The following SURF1 variants were observed in gnomAD, a reference collection of about 807,000 sequenced individuals.
The protein encoded by SURF1 is SURF1 cytochrome c oxidase assembly factor.
In SURF1, 45 loss-of-function variants were observed where a neutral mutation model predicts 34.1. The observed-to-expected ratio is 1.32, with a 90% CI of 1.04 to 1.69. The LOEUF is 1.69. Ranked by LOEUF, SURF1 falls within the 40% of genes most tolerant of loss-of-function variation. The pLI, the probability that SURF1 is intolerant of heterozygous loss-of-function variation, is 0.00. For missense variants in SURF1, 456 were observed against 384.6 expected (o/e 1.19, Z -1.55); for synonymous variants, 188 against 147.5 (o/e 1.27, Z -1.99).
chr9:133,352,135 T>C lies in SURF1; in HGVS notation c.759A>G (p.Thr253=). Reference sequence around the variant, plus strand: ...GCCCTCCAATGGGTCCTCCAGGGACTGTGCTCTCTGTGGAGACAGCAGACT... The same window carrying C: ...GCCCTCCAATGGGTCCTCCAGGGACCGTGCTCTCTGTGGAGACAGCAGACT... The part of the protein sequence containing the change: ...PIFIDANFQS[T]VPGGPIGGQT... Residue 253 remains threonine (T), a synonymous_variant, in exon 8 of 9, where the codon ACA becomes ACG. Coordinates refer to ENST00000371974, the MANE Select transcript of SURF1 (RefSeq NM_003172.4). 1 of 1,598,382 alleles carries C rather than the reference T, an allele frequency of 6.3e-7. No homozygotes were observed. Among genetic ancestry groups the C allele is most frequent in the East Asian group, 2.2e-5 (1 of 44,482 alleles).
chr9:133,356,366 G>GCCCCGCCCCCCGCA (rs1836585928), intron 1 of SURF1, 34 bp downstream of exon 1: 4 of 1,343,668 alleles, frequency 3.0e-6, no homozygotes, highest in Non-Finnish European at 2.9e-6. Flanking sequence ...CCCTCCCCGC[G>GCCCCGCCCCCCGCA]CCCCGCACCC....
In SURF1 at chr9:133,352,072, G is replaced by GTACTGCAGATGCTC; in HGVS notation, c.808_821dup (p.Tyr274Ter). On this transcript the variant is annotated stop_gained and frameshift_variant, in exon 8 of 9. Transcript: ENST00000371974. LOFTEE classifies it high-confidence loss of function. Reference sequence around the variant, plus strand: ...CGCTGGGGACTCACCAGGTCACGATGTACTGCAGATGCTCGTTCCTCAGAG... The same window carrying GTACTGCAGATGCTC: ...CGCTGGGGACTCACCAGGTCACGATGTACTGCAGATGCTCTACTGCAGATGCTCGTTCCTCAGAG... The GTACTGCAGATGCTC allele has an allele frequency of 6.2e-7, 1 of 1,611,716 alleles. No homozygotes were observed.
intron 4 of SURF1, chr9:133,354,200 C>T (rs1321850345): frequency 5.3e-6 from 3 of 564,806 alleles, no homozygotes; most frequent in African/African-American, 3.8e-5. Flanking sequence ...GCCAAAACCC[C>T]ATCTGCAAGC....
chr9:133,354,867 A>G lies in SURF1; in HGVS notation c.197T>C (p.Leu66Pro), dbSNP rs2130019314. The G allele has an allele frequency of 6.2e-7, 1 of 1,614,070 alleles. No individual in the cohort carries two copies. The highest frequency in any genetic ancestry group is 1.7e-5 in the Admixed American group (1 of 60,036). Residue 66 changes from leucine to proline, a missense_variant, in exon 3 of 9, where the codon CTG becomes CCG. By Grantham distance (98) the Leu-to-Pro change is moderately conservative. Coordinates refer to ENST00000371974, the MANE Select transcript of SURF1 (RefSeq NM_003172.4). ...AEDDSFLQWV[L>P]LLIPVTAFGL... Reference sequence around the variant, plus strand: ...AAAGGCAGTCACAGGGATGAGGAGCAGGACCCACTGAAGAAAGGAGTCATC... The same window carrying G: ...AAAGGCAGTCACAGGGATGAGGAGCGGGACCCACTGAAGAAAGGAGTCATC...
rs2130007051 is a variant in SURF1, at chr9:133,352,461, T to C, written c.736A>G (p.Ile246Val). The change falls in exon 7 of 9, where the codon ATT (isoleucine) becomes GTT (valine). Residue 246 changes from isoleucine (I) to valine (V), a missense_variant. Transcript: ENST00000371974. ...ARITGAEPIF[I>V]DANFQSTVPG... ...CACAACGTACGGAAGTTGGCATCAATGAAGATGGGCTCTGCGCCTGTGATT... is the reference window on the plus strand; with the variant it reads ...CACAACGTACGGAAGTTGGCATCAACGAAGATGGGCTCTGCGCCTGTGATT... The C allele has an allele frequency of 2.5e-5, 40 of 1,614,120 alleles. No individual in the cohort carries two copies. Among genetic ancestry groups the C allele is most frequent in the Admixed American group, 3.3e-5 (2 of 60,004 alleles).
intron 4 of SURF1, chr9:133,354,198 C>T: frequency 1.8e-6 from 1 of 568,702 alleles, no homozygotes; most frequent in Non-Finnish European, 3.1e-6. Flanking sequence ...GGGCCAAAAC[C>T]CCATCTGCAA....
chr9:133,354,930 C>T lies in SURF1; in HGVS notation c.134G>A (p.Gly45Asp). 6.2e-7 allele frequency: 1 copy of T among 1,613,670 alleles called. No homozygotes were observed. The highest frequency in any genetic ancestry group is 8.5e-7 in the Non-Finnish European group (1 of 1,180,034). ...GGCAGATGCTTCTGCTGCAGAACTG[C>T]CACATCTGCTTGGCCTCCAGGCCAC... ...PGVAWRPSRC[G>D]SSAAEASATK... Residue 45 changes from glycine to aspartate, a missense_variant, in exon 3 of 9, where the codon GGC becomes GAC. Coordinates refer to ENST00000371974, the MANE Select transcript of SURF1 (RefSeq NM_003172.4).
rs2130003225 is a variant in SURF1, at chr9:133,351,975, G to C, written c.841C>G (p.Leu281Val). Residue 281 changes from leucine (L) to valine (V), a missense_variant, in exon 9 of 9, where the codon CTC becomes GTC. Physicochemically the swap from Leu to Val is conservative, Grantham distance 32. Transcript: ENST00000371974. ...HLQYIVTWYG[L>V]SAATSYLWFK... ...CACAGGTAGGATGTAGCTGCAGAGA[G>C]TCCATACCTAGGGGTTGAAAGCAAG... The C allele has an allele frequency of 8.1e-6, 13 of 1,613,920 alleles. No individual in the cohort carries two copies. The Middle Eastern group carries it at 4.9e-4, about 61-fold the overall frequency.
chr9:133,356,473 G>T lies in SURF1; in HGVS notation c.-20C>A. 1 of 1,424,190 alleles carries T rather than the reference G, an allele frequency of 7.0e-7. No homozygotes were observed. The highest frequency in any genetic ancestry group is 1.4e-5 in the South Asian group (1 of 70,038). 88.2% of individuals were successfully genotyped at this position (1,424,190 alleles called of 1,614,324 possible). A position where few individuals can be genotyped will look rare whatever the true frequency, so the allele number is the denominator to read the frequency against. ...CGCCATCGCACCCGGCCCCGCGGGC[G>T]CTTCCGGGACGCAGGAAGCATCTGC... On this transcript the variant is annotated 5_prime_UTR_variant, in exon 1 of 9. Transcript: ENST00000371974.
rs1357147857 is a variant in SURF1, at chr9:133,356,393, C to G, written c.54+7G>C. Reference sequence around the variant, plus strand: ...CCCGCACCCCGCACCCCGCACCCGGCGCTCACCCGTCCCAGCCCCGCCGCC... The same window carrying G: ...CCCGCACCCCGCACCCCGCACCCGGGGCTCACCCGTCCCAGCCCCGCCGCC... On this transcript the variant is annotated splice_region_variant and intron_variant, in intron 1 of 8. Transcript: ENST00000371974. 1 of 1,396,938 alleles carries G rather than the reference C, an allele frequency of 7.2e-7. No homozygotes were observed. The highest frequency in any genetic ancestry group is 1.5e-5 in the South Asian group (1 of 65,852). The allele number at this position is 1,396,938 out of a possible 1,614,324, so 86.5% of individuals were successfully genotyped here. A position where few individuals can be genotyped will look rare whatever the true frequency, so the allele number is the denominator to read the frequency against.
intron 2 of SURF1, among the ~76,000 whole-genome samples, chr9:133,355,871 A>G (rs1018621551): frequency 4.0e-5 from 6 of 150,952 alleles, no homozygotes; most frequent in South Asian, 2.1e-4. Flanking sequence ...ACAGCACTCT[A>G]CACACGGCAA....
At chr9:133,352,195 A>T (rs952703318) in intron 7 of SURF1, 53 bp from the exon 8 acceptor site, 1 of 1,529,238 alleles carries the variant, frequency 6.5e-7, no homozygotes, top group East Asian at 2.4e-5. Context: ...CAGCCTCTGC[A>T]CCACTTCCTA....
chr9:133,352,232 TG>T (rs1836439244), intron 7 of SURF1, 90 bp from the exon 8 acceptor site: 1 of 1,418,888 alleles, frequency 7.0e-7, no homozygotes, highest in Non-Finnish European at 9.7e-7. Flanking sequence ...CGTGGCCAGT[TG>T]GAAGTCCTGT....
chr9:133,355,531 T>C (rs1465766165), intron 2 of SURF1, among the ~76,000 whole-genome samples: 2 of 152,110 alleles, frequency 1.3e-5, no homozygotes, highest in Non-Finnish European at 2.9e-5. Context: ...TAAGCCGAGA[T>C]TGCGCCACTG....
rs149494670 is a variant in SURF1 at position 133,352,540 on chromosome 9, C to T, written c.657G>A (p.Glu219=). ...LTETRQPFVP[E]NNPERNHWHY... ...GCCAGTGGTTCCTTTCTGGATTGTT[C>T]TCAGGGACAAAAGGCTGCCTGGTTT... is the stretch of plus-strand genomic sequence containing the variant. Residue 219 remains glutamate (E), a synonymous_variant, in exon 7 of 9, where the codon GAG becomes GAA. Coordinates refer to ENST00000371974, the MANE Select transcript of SURF1 (RefSeq NM_003172.4). 53 of 1,614,092 alleles carry T rather than the reference C, an allele frequency of 3.3e-5. No homozygotes were observed. The African/African-American group carries it at 5.9e-4, about 18-fold the overall frequency.
chr9:133,353,257 T>G (rs2119082560), intron 5 of SURF1, among the ~76,000 whole-genome samples: 1 of 152,324 alleles, frequency 6.6e-6, no homozygotes, highest in South Asian at 2.1e-4. Context: ...ATTTTCATTT[T>G]TACGTGAATC....
At chr9:133,352,790 C>G (rs2130010271) in intron 5 of SURF1, 24 bp from the exon 6 acceptor site, 5 of 1,600,922 alleles carry the variant, frequency 3.1e-6, no homozygotes, top group Non-Finnish European at 4.3e-6. Flanking sequence ...AGTGCTACTT[C>G]AGGTGGGGAG....
intron 4 of SURF1, 102 bp from the exon 5 acceptor site, chr9:133,354,042 A>C: frequency 3.7e-6 from 5 of 1,338,542 alleles, no homozygotes; most frequent in Non-Finnish European, 5.3e-6. Flanking sequence ...CAAGTGAAGG[A>C]GAAAGGCAAA....
chr9:133,354,090 G>A (rs1197925333), intron 4 of SURF1, 150 bp from the exon 5 acceptor site: 1 of 849,866 alleles, frequency 1.2e-6, no homozygotes, highest in Non-Finnish European at 1.9e-6. Context: ...ATGCCATGTG[G>A]GAATGTGGAT....
Sources: gnomAD v4.1 joint callset for allele counts (sites outside exome capture counted in the v4.1 genomes callset) on GRCh38, gnomAD v4.1.1 for gene constraint, MANE v1.5 for transcripts, NCBI Gene and HGNC (gene_info 2026-07-23, HGNC 2026-07-21) for gene names.